Variants in CDH23 observed in about 807,000 individuals in gnomAD.
CDH23 encodes cadherin-23.
CDH23 carries 189 observed loss-of-function variants against 317.1 expected under a neutral mutation model. That is an observed-to-expected ratio of 0.60 (90% CI 0.53 to 0.67). The LOEUF (loss-of-function observed/expected upper bound fraction) is 0.67. Among genes scored for constraint, CDH23 ranks in the 30% least tolerant of loss-of-function variants. CDH23 has a pLI of 0.00. For synonymous variants in CDH23, 1,839 were observed against 1,876.8 expected (o/e 0.98, Z 0.52); for missense variants, 4,401 against 4,592.4 (o/e 0.96, Z 1.20).
chr10:71,647,035 C>G, intron 14 of CDH23: 1 of 985,450 alleles, frequency 1.0e-6, no homozygotes, highest in Non-Finnish European at 1.2e-6. Flanking sequence ...CCCCCAGCTG[C>G]CCATGGCTGG....
chr10:71,483,620 C>T (rs1438018216), intron 3 of CDH23, among the ~76,000 whole-genome samples: 1 of 152,210 alleles, frequency 6.6e-6, no homozygotes, highest in Non-Finnish European at 1.5e-5. Flanking sequence ...GAGGGAGAAG[C>T]TCCTCACCCT....
intron 9 of CDH23, among the ~76,000 whole-genome samples, chr10:71,612,707 G>C (rs918338666): frequency 3.9e-5 from 6 of 152,214 alleles, no homozygotes; most frequent in South Asian, 4.1e-4. Context: ...CGGAGGCTCT[G>C]AGGTCTTGCC....
At chr10:71,626,530 G>T (rs1861744246) in intron 11 of CDH23, among the ~76,000 whole-genome samples, 1 of 152,198 alleles carries the variant, frequency 6.6e-6, no homozygotes, top group African/African-American at 2.4e-5. Flanking sequence ...CAGTGGGAGA[G>T]ACCCAGTCAA....
In CDH23 at chr10:71,646,044, T is replaced by C. The variant is rs530034524; in HGVS notation, c.1290+64T>C. On this transcript the variant is annotated intron_variant, in intron 13 of 69. Transcript: ENST00000224721. Reference sequence around the variant, plus strand: ...GGGTGGATTTCAGGGGAGGCGAGGGTAGGGTAGAAGATTCCCTTAGATCCC... The same window carrying C: ...GGGTGGATTTCAGGGGAGGCGAGGGCAGGGTAGAAGATTCCCTTAGATCCC... 15 of 1,573,748 alleles carry C rather than the reference T, an allele frequency of 9.5e-6. No homozygotes were observed. The South Asian group carries it at 1.7e-4, about 18-fold the overall frequency.
In CDH23 at chr10:71,562,757, G is replaced by A. The variant is rs555054197; in HGVS notation, c.430-3985G>A. 5.9e-5 allele frequency among the ~76,000 whole-genome samples: 9 copies of A among 152,360 alleles called. No homozygotes were observed. The South Asian group carries it at 1.7e-3, about 28-fold the overall frequency. The stretch of plus-strand genomic sequence containing the variant: ...CAGCCAGGGTGGGAGGCTCTTGGAG[G>A]CCCTCATCTCCATTTTTTCTCCTGC... On this transcript the variant is annotated intron_variant, in intron 6 of 69. Transcript: ENST00000224721.
chr10:71,503,368 C>A (rs555304306), intron 3 of CDH23, among the ~76,000 whole-genome samples: 1 of 152,230 alleles, frequency 6.6e-6, no homozygotes, highest in Non-Finnish European at 1.5e-5. Context: ...GATCAGCTAT[C>A]CTTTCCCCTG....
intron 41 of CDH23, among the ~76,000 whole-genome samples, chr10:71,780,275 T>A (rs1840917328): frequency 6.6e-6 from 1 of 152,150 alleles, no homozygotes; most frequent in South Asian, 2.1e-4. Context: ...GAACGTACGT[T>A]CCAGTTGGAG....
chr10:71,503,541 G>A (rs981965246), intron 3 of CDH23, among the ~76,000 whole-genome samples: 5 of 152,206 alleles, frequency 3.3e-5, no homozygotes, highest in African/African-American at 1.2e-4. Flanking sequence ...AGTGCCTCCA[G>A]GATGTCAATC....
At position 71,788,947 on chromosome 10, in the gene CDH23, A is replaced by G; in HGVS notation, c.5828A>G (p.Asp1943Gly). The change falls in exon 45 of 70, where the codon GAC (aspartate) becomes GGC (glycine). Residue 1943 changes from aspartate to glycine, a missense_variant. Physicochemically the swap from Asp to Gly is moderately conservative, Grantham distance 94 (BLOSUM62 -1). This residue lies in a region of CDH23 where 3,068 missense variants were observed against 3,203.3 expected (regional missense o/e 0.96). Transcript: ENST00000224721. ...CCATTCTGCCCCTTGCAGGATTATG[A>G]CTTGCTTCTGATCTTCCTTTCTGAT... ...ENPRIARRDY[D>G]LLLIFLSDEN... 1 of 1,568,126 alleles carries G rather than the reference A, an allele frequency of 6.4e-7. No homozygotes were observed. Among genetic ancestry groups the G allele is most frequent in the Non-Finnish European group, 8.8e-7 (1 of 1,138,176 alleles).
intron 17 of CDH23, 25 bp from the exon 18 acceptor site, chr10:71,682,420 A>T (rs1172451897): frequency 1.9e-6 from 3 of 1,609,732 alleles, no homozygotes; most frequent in Non-Finnish European, 2.5e-6. Flanking sequence ...TTACAGAGGG[A>T]TCTGGCCTGT....
chr10:71,638,983 G>A (rs1004278932), intron 11 of CDH23, among the ~76,000 whole-genome samples: 6 of 152,166 alleles, frequency 3.9e-5, no homozygotes, highest in Admixed American at 2.0e-4. Context: ...GCAGCCCTAG[G>A]AGCAAAGTGC....
chr10:71,619,273 T>C (rs1861348159), intron 11 of CDH23, among the ~76,000 whole-genome samples: 1 of 150,072 alleles, frequency 6.7e-6, no homozygotes. Context: ...AGGCGGAGGG[T>C]GCAGTGAGCA....
intron 14 of CDH23, among the ~76,000 whole-genome samples, chr10:71,663,289 C>A (rs1863753872): frequency 6.6e-6 from 1 of 152,198 alleles, no homozygotes; most frequent in Admixed American, 6.5e-5. Flanking sequence ...TCTTCCAATG[C>A]CGGCTTTCGT....
At chr10:71,739,803 C>T (rs577081932) in intron 36 of CDH23, 31 bp downstream of exon 36, 34 of 1,591,696 alleles carry the variant, frequency 2.1e-5, no homozygotes, top group Middle Eastern at 1.7e-4. Flanking sequence ...GACTGAGAGA[C>T]CACTGGCTAA....
chr10:71,784,555 G>T, intron 42 of CDH23, 135 bp downstream of exon 42: 1 of 1,245,408 alleles, frequency 8.0e-7, no homozygotes, highest in Non-Finnish European at 1.1e-6. Context: ...CCTGCCCCTG[G>T]GGCCCTTAAT....
chr10:71,657,034 C>T (rs957787039), intron 14 of CDH23, among the ~76,000 whole-genome samples: 4 of 152,178 alleles, frequency 2.6e-5, no homozygotes, highest in Admixed American at 2.0e-4. Flanking sequence ...AGTCCAGATC[C>T]CTCCTGCTGC....
At chr10:71,541,776 TG>T (rs1856002206) in intron 6 of CDH23, among the ~76,000 whole-genome samples, 1 of 152,228 alleles carries the variant, frequency 6.6e-6, no homozygotes, top group South Asian at 2.1e-4. Context: ...TCACCTTTCT[TG>T]TGATACAAAA....
intron 11 of CDH23, among the ~76,000 whole-genome samples, chr10:71,620,740 C>G (rs1470835462): frequency 1.3e-5 from 2 of 152,300 alleles, no homozygotes; most frequent in Middle Eastern, 3.4e-3. Context: ...GAGACAGAGC[C>G]AATGAGGAGA....
rs368016793 is a variant in CDH23 at position 71,695,398 on chromosome 10, C to T, written c.2290-20C>T. On this transcript the variant is annotated intron_variant, in intron 21 of 69. Transcript: ENST00000224721. ...CATCTCAGCTGGGTGTGTCTCCCAG[C>T]GCCCCTTATGGCTTCACAGGTAAAC... 133 of 1,556,376 alleles carry T rather than the reference C, an allele frequency of 8.5e-5. No individual in the cohort carries two copies. Among genetic ancestry groups the T allele is most frequent in the Non-Finnish European group, 1.1e-4 (122 of 1,127,190 alleles).
Sources: allele counts gnomAD v4.1 joint callset (sites outside exome capture counted in the v4.1 genomes callset), GRCh38; gene constraint gnomAD v4.1.1; regional missense constraint gnomAD v4.1.1; transcripts MANE v1.5; gene names NCBI Gene and HGNC (gene_info 2026-07-23, HGNC 2026-07-21).